The following XPR1 variants were observed in gnomAD, a reference collection of about 807,000 sequenced individuals.
XPR1 encodes the protein solute carrier family 53 member 1.
Under a neutral mutation model 87.5 loss-of-function variants are expected in XPR1, and 28 were observed. The ratio of observed to expected loss-of-function variants is 0.32; its 90% CI spans 0.24 to 0.44. XPR1 has a LOEUF of 0.44. Among genes scored for constraint, XPR1 ranks in the 20% least tolerant of loss-of-function variants. XPR1 has a pLI of 1.00. For synonymous variants in XPR1, 300 were observed against 306.1 expected, an observed-to-expected ratio of 0.98 and a Z score of 0.21; for missense variants, 559 against 862.3, an observed-to-expected ratio of 0.65 and a Z score of 4.41.
intron 1 of XPR1, among the ~76,000 whole-genome samples, chr1:180,677,072 G>A (rs893353268): frequency 6.6e-6 from 1 of 152,126 alleles, no homozygotes; most frequent in Non-Finnish European, 1.5e-5. Context: ...CAACAATTGA[G>A]TTCAATTCTG....
chr1:180,888,802 G>C lies in XPR1; in HGVS notation c.*4736G>C, dbSNP rs545378425. 6.6e-6 allele frequency: 1 copy of C among 152,316 alleles called. No individual in the cohort carries two copies. The highest frequency in any genetic ancestry group is 1.9e-4 in the East Asian group (1 of 5,186). 9.4% of individuals were successfully genotyped at this position (152,316 alleles called of 1,614,324 possible). A position where few individuals can be genotyped will look rare whatever the true frequency, so the allele number is the denominator to read the frequency against. ...TGTATTTTAAGTCTATACAATGTTA[G>C]AGCACATGGTAATGTGGGACAGAGT... On this transcript the variant is annotated 3_prime_UTR_variant, in exon 15 of 15. Transcript: ENST00000367590.
At chr1:180,740,923 C>G (rs1658896693) in intron 2 of XPR1, among the ~76,000 whole-genome samples, 2 of 152,186 alleles carry the variant, frequency 1.3e-5, no homozygotes, top group South Asian at 4.1e-4. Context: ...TGGAAGCTTC[C>G]TGTCTCTTTT....
intron 1 of XPR1, among the ~76,000 whole-genome samples, chr1:180,667,098 A>G (rs943647290): frequency 6.6e-6 from 1 of 152,026 alleles, no homozygotes; most frequent in Non-Finnish European, 1.5e-5. Context: ...TTTTTTTTGT[A>G]GAGACAGGGT....
Position 180,787,297 on chromosome 1 carries a change from GT to G in XPR1, c.122-448del, listed in dbSNP as rs200200187. Among the ~76,000 whole-genome samples the G allele has an allele frequency of 8.3e-3, 1,177 of 141,962 alleles. 15 individuals are homozygous for G. Among genetic ancestry groups the G allele is most frequent in the African/African-American group, 0.029 (1,124 of 38,812 alleles). 93.1% of individuals were successfully genotyped at this position (141,962 alleles called of 152,430 possible). ...AAGAGGTTTTTTTTGTTTTTTTTTTGTTTTTTTTGTTTTTGTTTTTTTGAAA... is the reference window on the plus strand; with the variant it reads ...AAGAGGTTTTTTTTGTTTTTTTTTTGTTTTTTTGTTTTTGTTTTTTTGAAA... On this transcript the variant is annotated intron_variant, in intron 2 of 14. Coordinates refer to ENST00000367590, the MANE Select transcript of XPR1 (RefSeq NM_004736.4).
intron 9 of XPR1, among the ~76,000 whole-genome samples, chr1:180,825,685 T>C (rs1175480902): frequency 6.6e-6 from 1 of 152,224 alleles, no homozygotes; most frequent in East Asian, 1.9e-4. Context: ...CAACCGAACA[T>C]TTTATTTTAG....
chr1:180,838,933 T>C (rs1451092949), intron 11 of XPR1, among the ~76,000 whole-genome samples: 2 of 152,232 alleles, frequency 1.3e-5, no homozygotes, highest in African/African-American at 4.8e-5. Flanking sequence ...CTACAGTTGA[T>C]CAAAGCAACA....
At chr1:180,713,086 G>C (rs998542579) in intron 2 of XPR1, among the ~76,000 whole-genome samples, 10 of 151,232 alleles carry the variant, frequency 6.6e-5, no homozygotes, top group African/African-American at 2.4e-4. Flanking sequence ...ATAAATTTGG[G>C]GAAAACGTTG....
At chr1:180,696,206 G>GTATATATA (rs1330154532) in intron 2 of XPR1, among the ~76,000 whole-genome samples, 58 of 102,064 alleles carry the variant, frequency 5.7e-4, no homozygotes, top group Middle Eastern at 5.2e-3. Flanking sequence ...GTGTGTGTGT[G>GTATATATA]TGTATATATA....
At chr1:180,648,163 G>A (rs747992903) in intron 1 of XPR1, among the ~76,000 whole-genome samples, 1 of 152,126 alleles carries the variant, frequency 6.6e-6, no homozygotes, top group Non-Finnish European at 1.5e-5. Context: ...TGGCAAAAAG[G>A]ACAAATTATT....
At chr1:180,842,772 G>T (rs1651560397) in intron 11 of XPR1, among the ~76,000 whole-genome samples, 1 of 152,098 alleles carries the variant, frequency 6.6e-6, no homozygotes, top group African/African-American at 2.4e-5. Context: ...CATTTCATTA[G>T]ATTTTCTATT....
chr1:180,846,532 C>G (rs945677347), intron 11 of XPR1, among the ~76,000 whole-genome samples: 2 of 151,610 alleles, frequency 1.3e-5, no homozygotes, highest in South Asian at 2.1e-4. Flanking sequence ...ACCTCTGCCT[C>G]CCAGGTTCAA....
rs548265350 is a variant in XPR1, at chr1:180,726,310, G to A, written c.121+43899G>A. Among the ~76,000 whole-genome samples the A allele has an allele frequency of 4.6e-5, 7 of 152,306 alleles. No homozygotes were observed. In the East Asian group the frequency reaches 7.7e-4, roughly 17 times the overall value. ...AAAGCTGGCCACCCCAGCCAGCAGC[G>A]CAACCTGCTTGGGTCCCCTTCCATG... On this transcript the variant is annotated intron_variant, in intron 2 of 14. Coordinates refer to ENST00000367590, the MANE Select transcript of XPR1 (RefSeq NM_004736.4).
At chr1:180,749,723 A>G (rs1647449581) in intron 2 of XPR1, among the ~76,000 whole-genome samples, 2 of 151,396 alleles carry the variant, frequency 1.3e-5, no homozygotes, top group Admixed American at 1.3e-4. Context: ...TACATCTAGC[A>G]CAGAGTAGGC....
intron 11 of XPR1, among the ~76,000 whole-genome samples, chr1:180,856,596 C>T (rs1328089840): frequency 6.6e-6 from 1 of 152,164 alleles, no homozygotes; most frequent in Non-Finnish European, 1.5e-5. Context: ...GCTTCAAGCC[C>T]CATGTTCTCT....
At chr1:180,738,533 C>G (rs1390670678) in intron 2 of XPR1, among the ~76,000 whole-genome samples, 3 of 151,922 alleles carry the variant, frequency 2.0e-5, no homozygotes, top group African/African-American at 7.3e-5. Flanking sequence ...TAAAAATTAC[C>G]CATTTAAAAT....
intron 2 of XPR1, among the ~76,000 whole-genome samples, chr1:180,745,985 G>A (rs1659075718): frequency 1.3e-5 from 2 of 152,170 alleles, no homozygotes; most frequent in African/African-American, 4.8e-5. Context: ...TAGTTCTGGA[G>A]GTCAGAAGTC....
intron 2 of XPR1, among the ~76,000 whole-genome samples, chr1:180,738,002 T>A (rs540277945): frequency 6.6e-6 from 1 of 152,256 alleles, no homozygotes; most frequent in Non-Finnish European, 1.5e-5. Flanking sequence ...TACATAACTT[T>A]ATTTTATTTA....
chr1:180,783,074 A>G (rs1658775241), intron 2 of XPR1, among the ~76,000 whole-genome samples: 1 of 152,032 alleles, frequency 6.6e-6, no homozygotes, highest in Admixed American at 6.6e-5. Flanking sequence ...TAAGCTTCTC[A>G]TAACTGAAGT....
intron 2 of XPR1, among the ~76,000 whole-genome samples, chr1:180,714,349 TTCTCTCTCTCTCTCTC>T (rs71121047): frequency 3.1e-3 from 221 of 72,150 alleles, no homozygotes; most frequent in East Asian, 4.5e-3. Context: ...TTTTTCCCTG[TTCTCTCTCTCTCTCTC>T]TCTCTCTCTC....
Sources: gnomAD v4.1 joint callset for allele counts (sites outside exome capture counted in the v4.1 genomes callset) on GRCh38, gnomAD v4.1.1 for gene constraint, MANE v1.5 for transcripts, NCBI Gene and HGNC (gene_info 2026-07-23, HGNC 2026-07-21) for gene names.